CTDSPL: variants seen among roughly 807,000 people sequenced by gnomAD.
CTDSPL encodes CTD small phosphatase-like protein.
Under a neutral mutation model 30.5 loss-of-function variants are expected in CTDSPL, and 8 were observed. The ratio of observed to expected loss-of-function variants is 0.26; its 90% CI spans 0.15 to 0.47. CTDSPL has a LOEUF of 0.47. Ranked by LOEUF, CTDSPL falls within the 20% of genes least tolerant of loss-of-function variation. CTDSPL has a pLI of 0.99. For missense variants in CTDSPL, 248 were observed against 366.1 expected (o/e 0.68, Z 2.63); for synonymous variants, 110 against 137.9 (o/e 0.80, Z 1.42).
chr3:37,898,218 G>T (rs1004707066), intron 1 of CTDSPL, among the ~76,000 whole-genome samples: 6 of 152,166 alleles, frequency 3.9e-5, no homozygotes, highest in Admixed American at 2.0e-4. Context: ...GATCAGAGCT[G>T]CTTCAAAGAG....
intron 5 of CTDSPL, among the ~76,000 whole-genome samples, chr3:37,968,700 T>C (rs996846743): frequency 1.2e-4 from 19 of 152,190 alleles, no homozygotes; most frequent in Admixed American, 1.1e-3. Flanking sequence ...TTCTTAGCAA[T>C]GTCAGTAGTC....
Position 37,862,474 on chromosome 3 carries a change from G to C in CTDSPL, c.79+196G>C, listed in dbSNP as rs558002970. Among the ~76,000 whole-genome samples the C allele has an allele frequency of 7.0e-4, 106 of 152,168 alleles. No homozygotes were observed. The highest frequency in any genetic ancestry group is 1.2e-3 in the Non-Finnish European group (84 of 68,008). ...GACTGAGCCAGTGTGAGTGTGCAGG[G>C]GCTGGCGGAGAGACTGGGAGCGAGT... On this transcript the variant is annotated intron_variant, in intron 1 of 7. Transcript: ENST00000273179. The surrounding 1 kb of genome is among the most constrained non-coding windows in gnomAD (Gnocchi z 4.3).
chr3:37,957,810 T>C (rs1371615969), intron 3 of CTDSPL, among the ~76,000 whole-genome samples: 4 of 152,342 alleles, frequency 2.6e-5, no homozygotes, highest in Middle Eastern at 3.4e-3. Flanking sequence ...TCCGCTGTCC[T>C]GGCTGTCCCT....
At chr3:37,919,866 G>A (rs549823895) in intron 1 of CTDSPL, among the ~76,000 whole-genome samples, 1 of 152,252 alleles carries the variant, frequency 6.6e-6, no homozygotes, top group East Asian at 1.9e-4. Context: ...AAAGCCCACA[G>A]GATAGCTGGA....
chr3:37,878,400 A>G (rs1286237295), intron 1 of CTDSPL, among the ~76,000 whole-genome samples: 1 of 152,208 alleles, frequency 6.6e-6, no homozygotes, highest in African/African-American at 2.4e-5. Flanking sequence ...GCATACGTGG[A>G]TGTCCAGTTG....
intron 6 of CTDSPL, among the ~76,000 whole-genome samples, chr3:37,972,453 C>A (rs188210950): frequency 8.5e-5 from 13 of 152,170 alleles, no homozygotes; most frequent in Non-Finnish European, 1.8e-4. Flanking sequence ...GATCATGCCA[C>A]TGCACTCCAC....
At chr3:37,872,098 C>T (rs1413701980) in intron 1 of CTDSPL, among the ~76,000 whole-genome samples, 2 of 152,116 alleles carry the variant, frequency 1.3e-5, no homozygotes, top group African/African-American at 4.8e-5. Flanking sequence ...CTCAAGTGAT[C>T]CTCCCATCTC....
At chr3:37,954,671 A>G (rs1341212152) in intron 2 of CTDSPL, 1 of 152,286 alleles carries the variant, frequency 6.6e-6, no homozygotes, top group Non-Finnish European at 1.5e-5. Context: ...AGAAATGAGG[A>G]TTTGGAGCCT....
intron 1 of CTDSPL, among the ~76,000 whole-genome samples, chr3:37,906,127 C>T (rs999739838): frequency 6.6e-6 from 1 of 152,208 alleles, no homozygotes; most frequent in Non-Finnish European, 1.5e-5. Flanking sequence ...CCCTGGAAGC[C>T]GACCAGTGGG....
chr3:37,886,488 C>T (rs997845621), intron 1 of CTDSPL, among the ~76,000 whole-genome samples: 3 of 152,114 alleles, frequency 2.0e-5, no homozygotes, highest in Non-Finnish European at 4.4e-5. Context: ...CTCATCTGAT[C>T]ACCCCTTTTA....
rs1449004973 is a variant in CTDSPL at position 37,982,534 on chromosome 3, A to G, written c.*1667A>G. ...AAGACTGGAAATCGGGGGTCAAAGT[A>G]AAATATCTTTGTTTTGCTTTCATTC... On this transcript the variant is annotated 3_prime_UTR_variant, in exon 8 of 8. Coordinates refer to ENST00000273179, the MANE Select transcript of CTDSPL (RefSeq NM_001008392.2). The G allele has an allele frequency of 8.8e-6, 4 of 456,702 alleles. No homozygotes were observed. The highest frequency in any genetic ancestry group is 1.8e-5 in the Non-Finnish European group (4 of 226,962). 28.3% of individuals were successfully genotyped at this position (456,702 alleles called of 1,614,324 possible). A position where few individuals can be genotyped will look rare whatever the true frequency, so the allele number is the denominator to read the frequency against.
At chr3:37,969,391 C>T in intron 5 of CTDSPL, 1 of 525,844 alleles carries the variant, frequency 1.9e-6, no homozygotes, top group South Asian at 1.4e-5. Context: ...GGACCAAGGC[C>T]CTGGCGAAGG....
chr3:37,927,243 T>A (rs1243480845), intron 1 of CTDSPL, among the ~76,000 whole-genome samples: 1 of 152,190 alleles, frequency 6.6e-6, no homozygotes, highest in Non-Finnish European at 1.5e-5. Context: ...CCAACAGGTA[T>A]ATGAAAAGGT....
intron 2 of CTDSPL, among the ~76,000 whole-genome samples, chr3:37,956,068 C>T (rs144213657): frequency 2.6e-4 from 39 of 152,146 alleles, no homozygotes; most frequent in African/African-American, 6.5e-4. Flanking sequence ...TAAGACAAGC[C>T]GGAAATCTGA....
At chr3:37,872,743 T>G (rs1698090251) in intron 1 of CTDSPL, among the ~76,000 whole-genome samples, 2 of 151,762 alleles carry the variant, frequency 1.3e-5, no homozygotes, top group Non-Finnish European at 2.9e-5. Flanking sequence ...CCCAGCTAAT[T>G]TTTGTATTTT....
At chr3:37,964,698 A>T (rs1440840395) in intron 4 of CTDSPL, 26 bp downstream of exon 4, 2 of 1,524,394 alleles carry the variant, frequency 1.3e-6, no homozygotes, top group Admixed American at 1.7e-5. Context: ...AAAAAAATCC[A>T]TGATCTTTGT....
At chr3:37,891,648 T>A (rs1698327080) in intron 1 of CTDSPL, among the ~76,000 whole-genome samples, 1 of 152,234 alleles carries the variant, frequency 6.6e-6, no homozygotes, top group African/African-American at 2.4e-5. Flanking sequence ...AAAAAGAATA[T>A]CTTTCATTTT....
intron 1 of CTDSPL, among the ~76,000 whole-genome samples, chr3:37,923,580 A>G (rs966971904): frequency 1.3e-5 from 2 of 152,222 alleles, no homozygotes; most frequent in Non-Finnish European, 2.9e-5. Context: ...TAAAGTTATT[A>G]TATACCCTAT....
At chr3:37,881,398 G>A (rs888841166) in intron 1 of CTDSPL, among the ~76,000 whole-genome samples, 1 of 151,938 alleles carries the variant, frequency 6.6e-6, no homozygotes, top group African/African-American at 2.4e-5. Flanking sequence ...GCCTGGTGGT[G>A]GCTGCCTGTA....
Sources: gnomAD v4.1 joint callset for allele counts (sites outside exome capture counted in the v4.1 genomes callset) on GRCh38, gnomAD v4.1.1 for gene constraint, Gnocchi (gnomAD v3.1) non-coding constraint, MANE v1.5 for transcripts, NCBI Gene and HGNC (gene_info 2026-07-23, HGNC 2026-07-21) for gene names.